The following ENTREP2 variants were observed in gnomAD, a reference collection of about 807,000 sequenced individuals.
The protein encoded by ENTREP2 is protein ENTREP2.
the ENTREP2 span, among the ~76,000 whole-genome samples, chr15:29,500,580 A>C: frequency 1.3e-5 from 2 of 152,098 alleles, no homozygotes; most frequent in African/African-American, 4.8e-5. Flanking sequence ...TTAATCTTTC[A>C]TATCAGAGTT....
At chr15:29,653,712 CCTTTAT>C in the ENTREP2 span, among the ~76,000 whole-genome samples, 1 of 152,194 alleles carries the variant, frequency 6.6e-6, no homozygotes, top group Non-Finnish European at 1.5e-5. Context: ...AAACCTCTTT[CCTTTAT>C]AAGTTACCCA....
the ENTREP2 span, among the ~76,000 whole-genome samples, chr15:29,351,486 G>A: frequency 1.3e-5 from 2 of 152,014 alleles, no homozygotes; most frequent in African/African-American, 4.8e-5. Flanking sequence ...AACTAAGGAT[G>A]TGCAAGATAA....
At chr15:29,343,032 G>GGGT in the ENTREP2 span, among the ~76,000 whole-genome samples, 1 of 146,116 alleles carries the variant, frequency 6.8e-6, no homozygotes, top group Non-Finnish European at 1.5e-5. Flanking sequence ...AGGAATGGGG[G>GGGT]GGGTGGTTCT....
the ENTREP2 span, chr15:29,373,628 T>G: frequency 6.6e-6 from 1 of 152,030 alleles, no homozygotes; most frequent in African/African-American, 2.4e-5. Context: ...TTTGCTTTCT[T>G]TTATTTTTAT....
the ENTREP2 span, among the ~76,000 whole-genome samples, chr15:29,415,999 A>T: frequency 2.0e-5 from 3 of 152,232 alleles, no homozygotes; most frequent in Non-Finnish European, 4.4e-5. Flanking sequence ...ATAAAAGAGG[A>T]TACAAACAAA....
chr15:29,240,920 T>C, the ENTREP2 span, among the ~76,000 whole-genome samples: 35 of 152,192 alleles, frequency 2.3e-4, no homozygotes, highest in Non-Finnish European at 4.6e-4. Flanking sequence ...ATCATCATGA[T>C]CATCATGCAG....
the ENTREP2 span, among the ~76,000 whole-genome samples, chr15:29,162,827 G>A: frequency 6.6e-6 from 1 of 151,952 alleles, no homozygotes; most frequent in Non-Finnish European, 1.5e-5. Context: ...TCTGGAAAGC[G>A]CCACCTCACA....
chr15:29,133,751 T>C, the ENTREP2 span, among the ~76,000 whole-genome samples: 1 of 152,154 alleles, frequency 6.6e-6, no homozygotes, highest in Non-Finnish European at 1.5e-5. Flanking sequence ...CTCTCTCACA[T>C]TTCCCAGGCC....
At chr15:29,668,432 A>G in the ENTREP2 span, among the ~76,000 whole-genome samples, 1 of 152,152 alleles carries the variant, frequency 6.6e-6, no homozygotes, top group Non-Finnish European at 1.5e-5. Flanking sequence ...GCAAATGAAA[A>G]CATGTCCACA....
At chr15:29,507,306 T>C in the ENTREP2 span, among the ~76,000 whole-genome samples, 3 of 152,180 alleles carry the variant, frequency 2.0e-5, no homozygotes, top group African/African-American at 4.8e-5. Context: ...GCAGTAATAG[T>C]GGGAGAATTT....
chr15:29,594,564 C>A, the ENTREP2 span, among the ~76,000 whole-genome samples: 3 of 152,136 alleles, frequency 2.0e-5, no homozygotes, highest in Non-Finnish European at 4.4e-5. Flanking sequence ...GCAATGTACA[C>A]GGTGGCCAGA....
At chr15:29,360,385 G>C in the ENTREP2 span, among the ~76,000 whole-genome samples, 1 of 152,190 alleles carries the variant, frequency 6.6e-6, no homozygotes, top group South Asian at 2.1e-4. Context: ...AGTCCATTAG[G>C]AAAGGGGGGC....
the ENTREP2 span, chr15:29,269,083 T>A: frequency 6.2e-7 from 1 of 1,614,004 alleles, no homozygotes. Context: ...CTTGGTGGGG[T>A]AGACCCCTAA....
At chr15:29,490,179 G>A in the ENTREP2 span, among the ~76,000 whole-genome samples, 4 of 152,094 alleles carry the variant, frequency 2.6e-5, no homozygotes, top group Non-Finnish European at 5.9e-5. Context: ...CTTAAAGGCC[G>A]GTGCATCTGG....
At chr15:29,241,748 A>G in the ENTREP2 span, among the ~76,000 whole-genome samples, 1 of 152,334 alleles carries the variant, frequency 6.6e-6, no homozygotes, top group East Asian at 1.9e-4. Flanking sequence ...GAATGAATTG[A>G]AATAACTGAG....
chr15:29,606,861 GCT>G, the ENTREP2 span, among the ~76,000 whole-genome samples: 1 of 151,262 alleles, frequency 6.6e-6, no homozygotes. Flanking sequence ...ACAGGTTCTT[GCT>G]CTGTCACCCA....
the ENTREP2 span, among the ~76,000 whole-genome samples, chr15:29,130,470 T>C: frequency 6.6e-6 from 1 of 152,272 alleles, no homozygotes; most frequent in South Asian, 2.1e-4. Flanking sequence ...TCTAACCCTC[T>C]CTCGGACTTG....
At chr15:29,476,667 T>A in the ENTREP2 span, among the ~76,000 whole-genome samples, 1 of 152,270 alleles carries the variant, frequency 6.6e-6, no homozygotes, top group Admixed American at 6.5e-5. Context: ...TTCCCTCGAC[T>A]GCAAAGATGA....
At chr15:29,592,516 G>A in the ENTREP2 span, among the ~76,000 whole-genome samples, 1 of 150,416 alleles carries the variant, frequency 6.6e-6, no homozygotes, top group Non-Finnish European at 1.5e-5. Flanking sequence ...TCACTCCCAT[G>A]ATAAAGTTAA....
Sources: allele counts gnomAD v4.1 joint callset (sites outside exome capture counted in the v4.1 genomes callset), GRCh38; gene constraint gnomAD v4.1.1; transcripts MANE v1.5; gene names NCBI Gene and HGNC (gene_info 2026-07-23, HGNC 2026-07-21).